The following PCDHGB1 variants were observed in gnomAD, a reference collection of about 807,000 sequenced individuals.
The protein encoded by PCDHGB1 is protocadherin gamma-B1.
PCDHGB1 carries 34 observed loss-of-function variants against 56.6 expected under a neutral mutation model. The observed-to-expected ratio is 0.60, with a 90% CI of 0.46 to 0.80. The LOEUF (loss-of-function observed/expected upper bound fraction) is 0.80, where lower values mean the gene tolerates loss of function less well. Ranked by LOEUF, PCDHGB1 falls within the 30% of genes least tolerant of loss-of-function variation. PCDHGB1 has a pLI of 0.00. For synonymous variants in PCDHGB1, 561 were observed against 505.9 expected (o/e 1.11, Z -1.46); for missense variants, 1,278 against 1,204.6 (o/e 1.06, Z -0.90).
intron 1 of PCDHGB1, among the ~76,000 whole-genome samples, chr5:141,448,700 G>A (rs2098601460): frequency 6.6e-6 from 1 of 152,106 alleles, no homozygotes; most frequent in African/African-American, 2.4e-5. Context: ...CAGCACTTTG[G>A]GAGGCCGAGG....
chr5:141,472,281 C>A (rs944776124), intron 1 of PCDHGB1, among the ~76,000 whole-genome samples: 2 of 152,202 alleles, frequency 1.3e-5, no homozygotes, highest in Non-Finnish European at 2.9e-5. Context: ...GTGGCTCACA[C>A]CTGTAATCCC....
At position 141,351,935 on chromosome 5, in the gene PCDHGB1, C is replaced by T. The variant is rs766333279; in HGVS notation, c.1675C>T (p.Leu559=). 6 of 1,613,256 alleles carry T rather than the reference C, an allele frequency of 3.7e-6. 1 individual carries two copies. The South Asian group carries it at 5.5e-5, about 15-fold the overall frequency. ...GDLNDNAPRV[L]YPALGPDGSA... is the part of the protein sequence containing the mutation. ...CCTCAATGACAATGCGCCACGGGTG[C>T]TGTACCCCGCGCTGGGGCCTGATGG... The change falls in exon 1 of 4, where the codon CTG becomes TTG. Residue 559 remains leucine, a synonymous_variant. Coordinates refer to ENST00000523390, the MANE Select transcript of PCDHGB1 (RefSeq NM_018922.3).
intron 1 of PCDHGB1, chr5:141,417,227 T>G (rs2096097098): frequency 6.6e-6 from 1 of 152,172 alleles, no homozygotes; most frequent in South Asian, 2.1e-4. Flanking sequence ...ACAAAAAAAT[T>G]TGTTGCTTAT....
At chr5:141,510,286 A>G (rs1011677966) in intron 3 of PCDHGB1, among the ~76,000 whole-genome samples, 1 of 151,770 alleles carries the variant, frequency 6.6e-6, no homozygotes, top group African/African-American at 2.4e-5. Flanking sequence ...AAAAAAAAAA[A>G]AAAAATGCTG....
At chr5:141,423,238 G>A (rs765040062) in intron 1 of PCDHGB1, 3 of 1,613,778 alleles carry the variant, frequency 1.9e-6, no homozygotes, top group South Asian at 1.1e-5. Flanking sequence ...CAGCATCCCC[G>A]AAGTCCTGGC....
Position 141,374,498 on chromosome 5 carries a change from G to GA in PCDHGB1, c.2409+21831dup, listed in dbSNP as rs1265465509. Reference sequence around the variant, plus strand: ...ACCCCGATTCTTAAAGGAAGAATTGGAAGTGAAAATTCTCGAAAACGCAGC... The same window carrying GA: ...ACCCCGATTCTTAAAGGAAGAATTGGAAAGTGAAAATTCTCGAAAACGCAGC... On this transcript the variant is annotated intron_variant, in intron 1 of 3. Transcript: ENST00000523390. 3 of 1,611,504 alleles carry GA rather than the reference G, an allele frequency of 1.9e-6. No homozygotes were observed. The South Asian group carries it at 3.3e-5, about 18-fold the overall frequency.
Position 141,493,359 on chromosome 5 carries a change from G to A in PCDHGB1, c.2410-1448G>A, listed in dbSNP as rs956980110. Among the ~76,000 whole-genome samples the A allele has an allele frequency of 2.6e-5, 4 of 152,148 alleles. No homozygotes were observed. The highest frequency in any genetic ancestry group is 9.7e-5 in the African/African-American group (4 of 41,418). ...CCAGAATGTGTGCTTTTAATTTCTT[G>A]GCACTTGGAACTTTAAAAGCTTGAG... On this transcript the variant is annotated intron_variant, in intron 1 of 3. Transcript: ENST00000523390. This position sits in a 1 kb window ranked among gnomAD's most constrained non-coding sequence, Gnocchi z 4.3.
At chr5:141,386,663 G>A (rs532080624) in intron 1 of PCDHGB1, among the ~76,000 whole-genome samples, 7 of 151,932 alleles carry the variant, frequency 4.6e-5, no homozygotes, top group Non-Finnish European at 1.0e-4. Flanking sequence ...GTTCTGCAGT[G>A]TTCACATTTC....
chr5:141,461,230 G>T (rs945407206), intron 1 of PCDHGB1, among the ~76,000 whole-genome samples: 2 of 152,024 alleles, frequency 1.3e-5, no homozygotes, highest in African/African-American at 4.8e-5. Flanking sequence ...TTCCATAGAG[G>T]TTGTACTAAT....
rs55729045 is a variant in PCDHGB1 at position 141,395,542 on chromosome 5, TTGTGTGTGTGTGTG to T, written c.2409+42909_2409+42922del. ...TCCATACTGGTAATTTTGCTATTGT[TTGTGTGTGTGTGTG>T]TGTGTGTGTGTGTGTGTGTGTGTGT... On this transcript the variant is annotated intron_variant, in intron 1 of 3. Transcript: ENST00000523390. The T allele has an allele frequency of 6.1e-4, 106 of 172,624 alleles. 1 individual carries two copies. Among genetic ancestry groups the T allele is most frequent in the South Asian group, 8.7e-4 (10 of 11,526 alleles). The allele number at this position is 172,624 out of a possible 1,614,324, so 10.7% of individuals were successfully genotyped here.
chr5:141,385,707 A>C (rs1397936755), intron 1 of PCDHGB1: 1 of 259,744 alleles, frequency 3.8e-6, no homozygotes, highest in Non-Finnish European at 6.2e-6. Flanking sequence ...TTTAGCATTC[A>C]AATATGTAAA....
rs1427742903 is a variant in PCDHGB1 at position 141,477,916 on chromosome 5, A to G, written c.2410-16891A>G. On this transcript the variant is annotated intron_variant, in intron 1 of 3. Coordinates refer to ENST00000523390, the MANE Select transcript of PCDHGB1 (RefSeq NM_018922.3). This position sits in a 1 kb window ranked among gnomAD's most constrained non-coding sequence, Gnocchi z 4.9. ...GGGTGGTAGGCTGGGACGCGGATGC[A>G]GGGCACAATGCCTGGCTCTCCTACA... The G allele has an allele frequency of 1.2e-6, 2 of 1,614,042 alleles. No homozygotes were observed. The highest frequency in any genetic ancestry group is 2.7e-5 in the African/African-American group (2 of 74,932).
At chr5:141,361,658 G>T in intron 1 of PCDHGB1, 1 of 1,613,762 alleles carries the variant, frequency 6.2e-7, no homozygotes, top group African/African-American at 1.3e-5. Context: ...GTGTCCGTGA[G>T]CGCGCAGAGC....
chr5:141,357,179 T>A, intron 1 of PCDHGB1: 1 of 1,613,702 alleles, frequency 6.2e-7, no homozygotes, highest in Non-Finnish European at 8.5e-7. Flanking sequence ...ACCGTCACAC[T>A]CACTGTGGCT....
Position 141,477,283 on chromosome 5 carries a change from C to T in PCDHGB1, c.2410-17524C>T, listed in dbSNP as rs766672047. The T allele has an allele frequency of 9.3e-6, 15 of 1,614,076 alleles. No homozygotes were observed. The highest frequency in any genetic ancestry group is 2.7e-5 in the African/African-American group (2 of 74,924). On this transcript the variant is annotated intron_variant, in intron 1 of 3. Coordinates refer to ENST00000523390, the MANE Select transcript of PCDHGB1 (RefSeq NM_018922.3). The surrounding 1 kb of genome is among the most constrained non-coding windows in gnomAD (Gnocchi z 4.9). ...CTGGCGAGAACGGGCTGGTGACCTG[C>T]GAAGTTCCACCGGGTCTCCCTTTCA... is the stretch of plus-strand genomic sequence containing the variant.
chr5:141,389,045 T>C, intron 1 of PCDHGB1: 3 of 1,613,920 alleles, frequency 1.9e-6, no homozygotes, highest in Non-Finnish European at 2.5e-6. Flanking sequence ...TGGAAGGTGA[T>C]GTTCCATTTA....
Position 141,476,437 on chromosome 5 carries a change from T to C in PCDHGB1, c.2410-18370T>C, listed in dbSNP as rs1260141259. The C allele has an allele frequency of 6.2e-7, 1 of 1,614,004 alleles. No homozygotes were observed. Among genetic ancestry groups the C allele is most frequent in the East Asian group, 2.2e-5 (1 of 44,836 alleles). ...GGACACTGCCCTCTTGCACTGTAAC[T>C]CTGGAGTTGGTAGTGGAGAACCCGC... On this transcript the variant is annotated intron_variant, in intron 1 of 3. Transcript: ENST00000523390. This position sits in a 1 kb window ranked among gnomAD's most constrained non-coding sequence, Gnocchi z 7.6.
chr5:141,410,699 A>G (rs760193148), intron 1 of PCDHGB1: 1 of 1,478,344 alleles, frequency 6.8e-7, no homozygotes, highest in East Asian at 2.3e-5. Flanking sequence ...CTTTATTTTC[A>G]TATCTAGAAT....
At chr5:141,418,369 C>G (rs763319499) in intron 1 of PCDHGB1, 62 of 1,613,842 alleles carry the variant, frequency 3.8e-5, no homozygotes, top group Non-Finnish European at 4.8e-5. Context: ...TGAGCAAATA[C>G]CAACTAAGTC....
Sources: allele counts gnomAD v4.1 joint callset (sites outside exome capture counted in the v4.1 genomes callset), GRCh38; gene constraint gnomAD v4.1.1; non-coding constraint Gnocchi (gnomAD v3.1); transcripts MANE v1.5; gene names NCBI Gene and HGNC (gene_info 2026-07-23, HGNC 2026-07-21).